Variants in RALGPS2 observed in about 807,000 individuals in gnomAD.
The protein encoded by RALGPS2 is ras-specific guanine nucleotide-releasing factor RalGPS2.
In RALGPS2, 43 loss-of-function variants were observed where a neutral mutation model predicts 86.8. The observed-to-expected ratio is 0.50, with a 90% CI of 0.39 to 0.64. The LOEUF (loss-of-function observed/expected upper bound fraction) is 0.64. Ranked by LOEUF, RALGPS2 falls within the 30% of genes least tolerant of loss-of-function variation. The probability of loss-of-function intolerance (pLI) is 0.00; values close to 1 mark genes in which losing one functional copy is unlikely to be tolerated. For synonymous variants in RALGPS2, 243 were observed against 231.3 expected, an observed-to-expected ratio of 1.05 and a Z score of -0.46; for missense variants, 536 against 694.6, an observed-to-expected ratio of 0.77 and a Z score of 2.57.
chr1:178,800,795 A>G (rs772144144), intron 4 of RALGPS2, among the ~76,000 whole-genome samples: 10 of 152,110 alleles, frequency 6.6e-5, no homozygotes, highest in Non-Finnish European at 1.2e-4. Flanking sequence ...CTCTTTCTAT[A>G]TATGGTTGAC....
chr1:178,851,396 C>T, intron 8 of RALGPS2: 1 of 1,303,534 alleles, frequency 7.7e-7, no homozygotes, highest in Non-Finnish European at 1.0e-6. Flanking sequence ...ACTTATTCTA[C>T]CTTTAATTTG....
At chr1:178,838,923 G>T (rs1656430987) in intron 8 of RALGPS2, among the ~76,000 whole-genome samples, 1 of 152,182 alleles carries the variant, frequency 6.6e-6, no homozygotes, top group Non-Finnish European at 1.5e-5. Flanking sequence ...AGTGATTGAA[G>T]ATCAAATGAA....
In RALGPS2 at chr1:178,811,254, CA is replaced by C. The variant is rs1217455909; in HGVS notation, c.298-60del. The C allele has an allele frequency of 1.6e-5, 21 of 1,339,078 alleles. No individual in the cohort carries two copies. The East Asian group carries it at 5.8e-4, about 37-fold the overall frequency. The allele number at this position is 1,339,078 out of a possible 1,614,324, so 82.9% of individuals were successfully genotyped here. The stretch of plus-strand genomic sequence containing the variant: ...AATTCTGCCAAAATTTTTTAAAATA[CA>C]GCAAAAAAACTTACAAATTAAAAAT... On this transcript the variant is annotated intron_variant, in intron 5 of 19. Transcript: ENST00000367635.
chr1:178,811,550 C>T (rs1654977292), intron 6 of RALGPS2, 146 bp downstream of exon 6: 2 of 559,580 alleles, frequency 3.6e-6, no homozygotes, highest in South Asian at 5.7e-5. Context: ...AAATTGGATG[C>T]CTACTTTCTC....
At chr1:178,758,901 A>T (rs1031974203) in intron 1 of RALGPS2, among the ~76,000 whole-genome samples, 26 of 152,272 alleles carry the variant, frequency 1.7e-4, no homozygotes, top group African/African-American at 6.3e-4. Context: ...TCTTTTGCCC[A>T]TTTAAAAAAT....
chr1:178,822,359 A>G (rs1329715219), intron 7 of RALGPS2, among the ~76,000 whole-genome samples: 1 of 151,998 alleles, frequency 6.6e-6, no homozygotes, highest in Non-Finnish European at 1.5e-5. Context: ...GTAAAATTTT[A>G]TATTCAATTA....
chr1:178,796,863 T>G (rs867251587), intron 4 of RALGPS2, among the ~76,000 whole-genome samples: 4 of 152,194 alleles, frequency 2.6e-5, no homozygotes, highest in Admixed American at 6.5e-5. Flanking sequence ...AGTTTAAAAT[T>G]AATCAATGAA....
intron 1 of RALGPS2, among the ~76,000 whole-genome samples, chr1:178,748,447 G>A (rs1283964010): frequency 6.6e-6 from 1 of 152,200 alleles, no homozygotes; most frequent in Non-Finnish European, 1.5e-5. Context: ...GGAAAAAATG[G>A]ATAAACAAAT....
chr1:178,859,662 G>A (rs1657830247), intron 8 of RALGPS2, among the ~76,000 whole-genome samples: 1 of 140,280 alleles, frequency 7.1e-6, no homozygotes. Flanking sequence ...ATGATTAATG[G>A]TGGTCAAACC....
intron 1 of RALGPS2, among the ~76,000 whole-genome samples, chr1:178,771,549 A>G (rs1186138578): frequency 1.3e-5 from 2 of 151,750 alleles, no homozygotes; most frequent in East Asian, 1.9e-4. Flanking sequence ...GGGATTGTCC[A>G]GTTCTTCACA....
intron 1 of RALGPS2, among the ~76,000 whole-genome samples, chr1:178,730,679 G>C (rs1650290280): frequency 6.7e-6 from 1 of 149,694 alleles, no homozygotes; most frequent in Non-Finnish European, 1.5e-5. Flanking sequence ...CCTTCATCAT[G>C]ATTCTGAGAA....
intron 1 of RALGPS2, among the ~76,000 whole-genome samples, chr1:178,726,526 A>G (rs1292642567): frequency 6.6e-6 from 1 of 151,184 alleles, no homozygotes; most frequent in Non-Finnish European, 1.5e-5. Flanking sequence ...GGGCAATTGA[A>G]ATACTAAATT....
At position 178,873,950 on chromosome 1, in the gene RALGPS2, G is replaced by A. The variant is rs539673309; in HGVS notation, c.608-3548G>A. Among the ~76,000 whole-genome samples the A allele has an allele frequency of 1.3e-3, 194 of 151,738 alleles. 1 individual carries two copies. In the Middle Eastern group the frequency reaches 0.017, roughly 13 times the overall value. On this transcript the variant is annotated intron_variant, in intron 8 of 19. Transcript: ENST00000367635. ...AGCGGGAGTGCAGTGGTACGATCTCGGCTCACTACAAGCTCCGCCTCCTGG... is the reference window on the plus strand; with the variant it reads ...AGCGGGAGTGCAGTGGTACGATCTCAGCTCACTACAAGCTCCGCCTCCTGG...
intron 3 of RALGPS2, among the ~76,000 whole-genome samples, chr1:178,784,900 T>C (rs1653575535): frequency 6.6e-6 from 1 of 152,056 alleles, no homozygotes; most frequent in Non-Finnish European, 1.5e-5. Context: ...ATGAAGGTGT[T>C]ATTAGATGAA....
intron 1 of RALGPS2, among the ~76,000 whole-genome samples, chr1:178,751,583 C>T (rs1228005571): frequency 6.6e-6 from 1 of 152,008 alleles, no homozygotes. Flanking sequence ...TAATATTTAT[C>T]TTAGAGGAGT....
At chr1:178,746,616 T>G (rs1651345547) in intron 1 of RALGPS2, 1 of 742,094 alleles carries the variant, frequency 1.3e-6, no homozygotes, top group Admixed American at 1.8e-5. Context: ...AGAGTGGGCT[T>G]CAGGTCTTGA....
intron 6 of RALGPS2, among the ~76,000 whole-genome samples, chr1:178,818,029 G>A (rs1035309813): frequency 1.3e-5 from 2 of 152,068 alleles, no homozygotes; most frequent in African/African-American, 4.8e-5. Flanking sequence ...TCCCAGGGTG[G>A]TTAAGCCCAA....
intron 19 of RALGPS2, among the ~76,000 whole-genome samples, chr1:178,908,956 T>A (rs1229756406): frequency 6.6e-6 from 1 of 152,154 alleles, no homozygotes; most frequent in Non-Finnish European, 1.5e-5. Flanking sequence ...GCTTTTGGAG[T>A]CTTCATCATG....
At chr1:178,748,410 C>T (rs1264530334) in intron 1 of RALGPS2, among the ~76,000 whole-genome samples, 1 of 151,978 alleles carries the variant, frequency 6.6e-6, no homozygotes, top group Non-Finnish European at 1.5e-5. Context: ...ATGTTCACAG[C>T]AGCTTTATTT....
Sources: gnomAD v4.1 joint callset for allele counts (sites outside exome capture counted in the v4.1 genomes callset) on GRCh38, gnomAD v4.1.1 for gene constraint, MANE v1.5 for transcripts, NCBI Gene and HGNC (gene_info 2026-07-23, HGNC 2026-07-21) for gene names.